Variants in IKBKB-DT observed in about 807,000 individuals in gnomAD.
IKBKB-DT encodes IKBKB antisense RNA.
intron 3 of IKBKB-DT, among the ~76,000 whole-genome samples, chr8:42,243,404 GAAGA>G (rs1807027367): frequency 6.6e-6 from 1 of 152,136 alleles, no homozygotes; most frequent in South Asian, 2.1e-4. Flanking sequence ...GGAGGAAAAA[GAAGA>G]AAGAGAAAAA....
chr8:42,254,999 C>T (rs911433145), intron 3 of IKBKB-DT, among the ~76,000 whole-genome samples: 17 of 151,254 alleles, frequency 1.1e-4, no homozygotes, highest in African/African-American at 3.4e-4. Context: ...TGCCTCTGCC[C>T]GGCCACCACC....
intron 3 of IKBKB-DT, among the ~76,000 whole-genome samples, chr8:42,251,372 C>T (rs1807126825): frequency 6.6e-6 from 1 of 152,140 alleles, no homozygotes; most frequent in Non-Finnish European, 1.5e-5. Flanking sequence ...TGCTAATAGC[C>T]TAAAACTTTC....
At chr8:42,254,052 C>G (rs1052112804) in intron 3 of IKBKB-DT, among the ~76,000 whole-genome samples, 1 of 152,186 alleles carries the variant, frequency 6.6e-6, no homozygotes, top group South Asian at 2.1e-4. Flanking sequence ...ATTGTGGGAG[C>G]TAACATAAAG....
intron 3 of IKBKB-DT, among the ~76,000 whole-genome samples, chr8:42,246,773 C>A (rs564937610): frequency 6.6e-6 from 1 of 152,306 alleles, no homozygotes; most frequent in African/African-American, 2.4e-5. Flanking sequence ...TTTCTTATAG[C>A]AGCAGTCCCT....
In IKBKB-DT at chr8:42,243,667, A is replaced by G. The variant is rs551229837; in HGVS notation, n.1530-9808T>C. Among the ~76,000 whole-genome samples the G allele has an allele frequency of 4.3e-4, 66 of 152,334 alleles. 1 individual carries two copies. The highest frequency in any genetic ancestry group is 1.5e-3 in the African/African-American group (63 of 41,564). ...CCACTTCGGTTTGAAGTTTGGTCAG[A>G]TGGTAGAATTGAGTTTAATTTAGAC... On this transcript the variant is annotated intron_variant and non_coding_transcript_variant, in intron 3 of 3. Coordinates refer to ENST00000518213, the Ensembl canonical transcript of IKBKB-DT.
chr8:42,241,932 G>A (rs1246071688), intron 3 of IKBKB-DT, among the ~76,000 whole-genome samples: 1 of 152,214 alleles, frequency 6.6e-6, no homozygotes, highest in Non-Finnish European at 1.5e-5. Context: ...GTAAGCAGAT[G>A]GCCTGGCGTG....
intron 3 of IKBKB-DT, chr8:42,249,417 ATGTGTGTGTGTGTGTG>A (rs35004589): frequency 7.7e-6 from 1 of 129,728 alleles, no homozygotes; most frequent in South Asian, 2.2e-4. Flanking sequence ...ATGTATATAT[ATGTGTGTGTGTGTGTG>A]TGTGTGTGTG....
chr8:42,234,619 TTATTTTATTC>T (rs1397262841), intron 3 of IKBKB-DT, among the ~76,000 whole-genome samples: 7 of 152,130 alleles, frequency 4.6e-5, no homozygotes, highest in Non-Finnish European at 1.0e-4. Flanking sequence ...TTTATTTATT[TTATTTTATTC>T]TATTTTATTT....
intron 3 of IKBKB-DT, among the ~76,000 whole-genome samples, chr8:42,258,011 T>C (rs980823842): frequency 6.6e-6 from 1 of 151,220 alleles, no homozygotes; most frequent in Admixed American, 6.6e-5. Context: ...AAAGACAACA[T>C]GAAACACAGG....
intron 3 of IKBKB-DT, among the ~76,000 whole-genome samples, chr8:42,252,946 A>G (rs939428562): frequency 1.3e-4 from 20 of 152,220 alleles, no homozygotes; most frequent in Non-Finnish European, 1.8e-4. Context: ...TTTCTTTGCC[A>G]TATTTTGAAA....
At chr8:42,262,162 T>C (rs1168938206) in intron 3 of IKBKB-DT, among the ~76,000 whole-genome samples, 1 of 151,574 alleles carries the variant, frequency 6.6e-6, no homozygotes, top group African/African-American at 2.4e-5. Flanking sequence ...GGGATAGCAT[T>C]GGGAGATATA....
intron 3 of IKBKB-DT, among the ~76,000 whole-genome samples, chr8:42,262,723 G>A (rs1277804350): frequency 1.3e-5 from 2 of 151,850 alleles, no homozygotes; most frequent in African/African-American, 2.4e-5. Context: ...ACAGGCATGA[G>A]CCACCATGCC....
chr8:42,246,197 G>A (rs768156230), intron 3 of IKBKB-DT, among the ~76,000 whole-genome samples: 6 of 151,998 alleles, frequency 3.9e-5, no homozygotes, highest in African/African-American at 9.7e-5. Flanking sequence ...CCACCATGCC[G>A]GGCTAATTTT....
At chr8:42,269,767 T>C (rs1807501121) in intron 1 of IKBKB-DT, among the ~76,000 whole-genome samples, 1 of 152,112 alleles carries the variant, frequency 6.6e-6, no homozygotes, top group Admixed American at 6.6e-5. Flanking sequence ...CTGAGTTAAC[T>C]TCAACCCCAG....
At chr8:42,238,024 CAAAAAAAAAAAAAAAAAAAAAA>C (rs35087510) in intron 3 of IKBKB-DT, among the ~76,000 whole-genome samples, 2 of 35,230 alleles carry the variant, frequency 5.7e-5, no homozygotes, top group African/African-American at 1.1e-4. Context: ...GGCCCTCTCT[CAAAAAAAAAAAAAAAAAAAAAA>C]AAAAAAAAGG....
chr8:42,266,709 G>T (rs565389627), intron 1 of IKBKB-DT, among the ~76,000 whole-genome samples: 200 of 152,212 alleles, frequency 1.3e-3, no homozygotes, highest in African/African-American at 4.7e-3. Flanking sequence ...GATAAAACAG[G>T]TTTCGGTAAA....
At chr8:42,269,483 AG>A (rs1807471824) in intron 1 of IKBKB-DT, among the ~76,000 whole-genome samples, 1 of 59,138 alleles carries the variant, frequency 1.7e-5, no homozygotes, top group African/African-American at 6.2e-5. Flanking sequence ...GGAAAAGGAA[AG>A]GAAAGAAGGA....
intron 3 of IKBKB-DT, among the ~76,000 whole-genome samples, chr8:42,248,886 A>C (rs1311578849): frequency 6.6e-6 from 1 of 151,476 alleles, no homozygotes; most frequent in African/African-American, 2.4e-5. Flanking sequence ...AAAAAAAAAA[A>C]CAAATATCCC....
At chr8:42,242,420 G>C (rs535235047) in intron 3 of IKBKB-DT, among the ~76,000 whole-genome samples, 1 of 152,170 alleles carries the variant, frequency 6.6e-6, no homozygotes, top group East Asian at 1.9e-4. Flanking sequence ...AAAATAATAA[G>C]GAAATTAGAG....
Sources: gnomAD v4.1 joint callset for allele counts (sites outside exome capture counted in the v4.1 genomes callset) on GRCh38, gnomAD v4.1.1 for gene constraint, MANE v1.5 for transcripts, NCBI Gene and HGNC (gene_info 2026-07-23, HGNC 2026-07-21) for gene names.